The following CAMK2A variants were observed in gnomAD, a reference collection of about 807,000 sequenced individuals.
CAMK2A encodes the protein calcium/calmodulin dependent protein kinase II alpha.
Under a neutral mutation model 79.2 loss-of-function variants are expected in CAMK2A, and 7 were observed. The observed-to-expected ratio is 0.09, with a 90% CI of 0.05 to 0.17. The LOEUF is 0.17. Ranked by LOEUF, CAMK2A falls within the 10% of genes least tolerant of loss-of-function variation. The pLI, the probability that CAMK2A is intolerant of heterozygous loss-of-function variation, is 1.00. For missense variants in CAMK2A, 214 were observed against 646.4 expected, an observed-to-expected ratio of 0.33 and a Z score of 7.25; for synonymous variants, 242 against 251.7, an observed-to-expected ratio of 0.96 and a Z score of 0.36.
intron 15 of CAMK2A, among the ~76,000 whole-genome samples, chr5:150,236,669 C>T (rs1210636876): frequency 6.6e-6 from 1 of 152,202 alleles, no homozygotes; most frequent in Non-Finnish European, 1.5e-5. Context: ...CTCAACATCC[C>T]AGGGCCCAAC....
chr5:150,285,839 G>T (rs903682601), intron 1 of CAMK2A, among the ~76,000 whole-genome samples: 1 of 152,164 alleles, frequency 6.6e-6, no homozygotes, highest in Non-Finnish European at 1.5e-5. Context: ...GATGACACAG[G>T]CTGCAGGGCA....
At chr5:150,276,550 G>T (rs1250461214) in intron 1 of CAMK2A, among the ~76,000 whole-genome samples, 1 of 152,170 alleles carries the variant, frequency 6.6e-6, no homozygotes, top group African/African-American at 2.4e-5. Flanking sequence ...GCATGGGGAT[G>T]GACCCCAAAG....
intron 15 of CAMK2A, among the ~76,000 whole-genome samples, chr5:150,236,923 G>C (rs1018250795): frequency 2.0e-5 from 3 of 152,252 alleles, no homozygotes; most frequent in South Asian, 2.1e-4. Context: ...ATGTTGCCCA[G>C]GCTGGAGTGT....
Position 150,221,911 on chromosome 5 carries a change from TA to T in CAMK2A, c.*798del. 3.6e-6 allele frequency: 1 copy of T among 276,242 alleles called. No homozygotes were observed. Among genetic ancestry groups the T allele is most frequent in the Non-Finnish European group, 6.7e-6 (1 of 149,664 alleles). The allele number at this position is 276,242 out of a possible 1,614,324, so 17.1% of individuals were successfully genotyped here. On this transcript the variant is annotated 3_prime_UTR_variant, in exon 19 of 19. Coordinates refer to ENST00000671881, the MANE Select transcript of CAMK2A (RefSeq NM_015981.4). ...TACGAAATACACAGAAATTTGGCTATAAAAAGGCATGCGGTCCAAGTAGAAG... is the reference window on the plus strand; with the variant it reads ...TACGAAATACACAGAAATTTGGCTATAAAAGGCATGCGGTCCAAGTAGAAG...
At chr5:150,225,191 T>C (rs1338309703) in intron 17 of CAMK2A, among the ~76,000 whole-genome samples, 3 of 151,758 alleles carry the variant, frequency 2.0e-5, no homozygotes, top group African/African-American at 7.3e-5. Context: ...AAACAGAGCT[T>C]AGCATTGCTG....
At position 150,256,694 on chromosome 5, in the gene CAMK2A, C is replaced by T. The variant is rs368894466; in HGVS notation, c.339-49G>A. The T allele has an allele frequency of 4.4e-6, 7 of 1,608,872 alleles. No individual in the cohort carries two copies. The highest frequency in any genetic ancestry group is 6.0e-6 in the Non-Finnish European group (7 of 1,175,344). ...TCATGGTGGTGTGAGCACAGGCCTC[C>T]CCTGGGAAGCTGACAGCAGGCAAGA... On this transcript the variant is annotated intron_variant, in intron 5 of 18. Transcript: ENST00000671881. The surrounding 1 kb of genome is among the most constrained non-coding windows in gnomAD (Gnocchi z 4.6).
chr5:150,230,473 C>T (rs1754794823), intron 16 of CAMK2A, among the ~76,000 whole-genome samples: 1 of 152,212 alleles, frequency 6.6e-6, no homozygotes, highest in Non-Finnish European at 1.5e-5. Context: ...TCAATTTAAC[C>T]CAACAGGCAA....
intron 13 of CAMK2A, among the ~76,000 whole-genome samples, chr5:150,241,975 G>T (rs1254969356): frequency 6.6e-6 from 1 of 152,196 alleles, no homozygotes; most frequent in Admixed American, 6.5e-5. Flanking sequence ...TTCCAGGCGG[G>T]ACACGAGGAG....
chr5:150,222,918 A>C, intron 18 of CAMK2A, 71 bp downstream of exon 18: 1 of 1,497,140 alleles, frequency 6.7e-7, no homozygotes, highest in Non-Finnish European at 9.3e-7. Flanking sequence ...AGCTTCCCCG[A>C]CGTAACCCCC....
At chr5:150,289,829 C>T, upstream of CAMK2A, 1 of 542,446 alleles carries the variant, frequency 1.8e-6, no homozygotes, top group Non-Finnish European at 3.3e-6. Context: ...CATCCAGGTC[C>T]CCATGGCAAC....
chr5:150,265,827 A>G (rs1040362859), intron 2 of CAMK2A, among the ~76,000 whole-genome samples: 19 of 151,938 alleles, frequency 1.3e-4, no homozygotes, highest in African/African-American at 4.4e-4. Context: ...CTGTAATCTC[A>G]GCTGCTCAGG....
At chr5:150,232,132 T>C (rs1263335483) in intron 15 of CAMK2A, among the ~76,000 whole-genome samples, 1 of 152,222 alleles carries the variant, frequency 6.6e-6, no homozygotes, top group African/African-American at 2.4e-5. Flanking sequence ...CCACCTCTCA[T>C]TCATTCAAAG....
intron 17 of CAMK2A, among the ~76,000 whole-genome samples, chr5:150,227,215 A>G (rs918308309): frequency 1.1e-4 from 16 of 152,214 alleles, no homozygotes; most frequent in African/African-American, 3.9e-4. Flanking sequence ...AAGAGATCTG[A>G]GCCTGAGATT....
chr5:150,253,957 C>T (rs1024950051), intron 6 of CAMK2A, among the ~76,000 whole-genome samples: 3 of 152,204 alleles, frequency 2.0e-5, no homozygotes, highest in South Asian at 4.1e-4. Context: ...ACGACCCTTT[C>T]GGGTAGGTAT....
chr5:150,244,763 A>G (rs1755488920), intron 13 of CAMK2A, among the ~76,000 whole-genome samples: 2 of 152,106 alleles, frequency 1.3e-5, no homozygotes, highest in African/African-American at 2.4e-5. Flanking sequence ...CAGGGGCCCG[A>G]TCCAGCCCAC....
intron 1 of CAMK2A, among the ~76,000 whole-genome samples, chr5:150,285,045 G>A (rs1757368073): frequency 6.6e-6 from 1 of 152,166 alleles, no homozygotes; most frequent in African/African-American, 2.4e-5. Flanking sequence ...TAAATTAGAG[G>A]CAGAATCATG....
intron 2 of CAMK2A, among the ~76,000 whole-genome samples, chr5:150,269,146 T>A (rs1380222954): frequency 6.6e-6 from 1 of 152,154 alleles, no homozygotes. Context: ...TGAGGGAAGC[T>A]AGAAGTCTTC....
At chr5:150,271,370 G>A (rs1756741205) in intron 2 of CAMK2A, among the ~76,000 whole-genome samples, 1 of 152,174 alleles carries the variant, frequency 6.6e-6, no homozygotes, top group Non-Finnish European at 1.5e-5. Context: ...GTCGGTAACT[G>A]GAAGAAAGTG....
At chr5:150,258,674 G>T (rs1314318230) in intron 3 of CAMK2A, among the ~76,000 whole-genome samples, 1 of 152,204 alleles carries the variant, frequency 6.6e-6, no homozygotes, top group Non-Finnish European at 1.5e-5. Flanking sequence ...GTCATGAGAG[G>T]AGACTCACTT....
Sources: allele counts gnomAD v4.1 joint callset (sites outside exome capture counted in the v4.1 genomes callset), GRCh38; gene constraint gnomAD v4.1.1; non-coding constraint Gnocchi (gnomAD v3.1); transcripts MANE v1.5; gene names NCBI Gene and HGNC (gene_info 2026-07-23, HGNC 2026-07-21).